ELOVL4: variants seen among roughly 807,000 people sequenced by gnomAD.
ELOVL4 encodes the protein ELOVL fatty acid elongase 4.
Under a neutral mutation model 42.1 loss-of-function variants are expected in ELOVL4, and 18 were observed. That is an observed-to-expected ratio of 0.43 (90% CI 0.30 to 0.63). The LOEUF (loss-of-function observed/expected upper bound fraction) is 0.63. ELOVL4 is among the 30% of genes least tolerant of loss of function. The pLI is 0.15. For synonymous variants in ELOVL4, 117 were observed against 127.0 expected, an observed-to-expected ratio of 0.92 and a Z score of 0.53; for missense variants, 299 against 376.2, an observed-to-expected ratio of 0.79 and a Z score of 1.70.
rs550725201 is a variant in ELOVL4 at position 79,946,972 on chromosome 6, C to A, written c.100+208G>T. Among the ~76,000 whole-genome samples the A allele has an allele frequency of 2.6e-5, 4 of 152,304 alleles. No homozygotes were observed. The South Asian group carries it at 8.3e-4, about 32-fold the overall frequency. ...GGAGGGAGCTCAGAAGAAAACCCTG[C>A]GAGTGTCGGGGGAGGGGAGGCCTTA... On this transcript the variant is annotated intron_variant, in intron 1 of 5. Coordinates refer to ENST00000369816, the MANE Select transcript of ELOVL4 (RefSeq NM_022726.4).
chr6:79,943,326 A>C (rs1276619131), intron 1 of ELOVL4, among the ~76,000 whole-genome samples: 1 of 152,074 alleles, frequency 6.6e-6, no homozygotes, highest in Non-Finnish European at 1.5e-5. Flanking sequence ...TGGATGACTC[A>C]CTGGCCTGAC....
chr6:79,928,168 ACT>A (rs1774375854), intron 1 of ELOVL4, among the ~76,000 whole-genome samples: 2 of 152,118 alleles, frequency 1.3e-5, no homozygotes, highest in East Asian at 1.9e-4. Context: ...ATTTAGACAA[ACT>A]CTCTGTTCTA....
In ELOVL4 at chr6:79,947,490, C is replaced by T; in HGVS notation, c.-211G>A. 3.4e-6 allele frequency: 2 copies of T among 592,176 alleles called. No homozygotes were observed. Among genetic ancestry groups the T allele is most frequent in the East Asian group, 2.9e-5 (1 of 33,994 alleles). 36.7% of individuals were successfully genotyped at this position (592,176 alleles called of 1,614,324 possible). On this transcript the variant is annotated 5_prime_UTR_variant, in exon 1 of 6. Coordinates refer to ENST00000369816, the MANE Select transcript of ELOVL4 (RefSeq NM_022726.4). ...CAAGCGGAAGGCGTCGTCAAGGTTC[C>T]CGGGAGAAAGACGAGGAGGTGGAGG...
chr6:79,946,707 C>T (rs1361947466), intron 1 of ELOVL4, among the ~76,000 whole-genome samples: 1 of 152,224 alleles, frequency 6.6e-6, no homozygotes, highest in Non-Finnish European at 1.5e-5. Flanking sequence ...TCTGTCAAAG[C>T]GACCAGGAGG....
intron 1 of ELOVL4, among the ~76,000 whole-genome samples, chr6:79,927,454 TC>T (rs1196513020): frequency 6.6e-6 from 1 of 152,110 alleles, no homozygotes; most frequent in African/African-American, 2.4e-5. Flanking sequence ...TCATAATAAC[TC>T]CCTATTTAAA....
chr6:79,928,115 A>G (rs1398567552), intron 1 of ELOVL4, among the ~76,000 whole-genome samples: 8 of 151,452 alleles, frequency 5.3e-5, no homozygotes, highest in Admixed American at 4.6e-4. Flanking sequence ...TATATTATAG[A>G]AAAAAAAAGA....
At chr6:79,926,029 A>AT (rs1774337108) in intron 2 of ELOVL4, among the ~76,000 whole-genome samples, 165 bp downstream of exon 2, 2 of 152,196 alleles carry the variant, frequency 1.3e-5, no homozygotes, top group Admixed American at 6.5e-5. Flanking sequence ...CCTATACCTC[A>AT]TGTTTAATAT....
chr6:79,923,754 A>T (rs1419520516), intron 3 of ELOVL4, among the ~76,000 whole-genome samples: 1 of 152,208 alleles, frequency 6.6e-6, no homozygotes, highest in Non-Finnish European at 1.5e-5. Context: ...CATATAGTAG[A>T]TGCTCAATAC....
chr6:79,947,292 C>T lies in ELOVL4; in HGVS notation c.-13G>A. ...CCAGGAGCCCCATCGCGGCGATGAG[C>T]GGGCGCTGGCGGCAGGAGAAAGCGG... is the stretch of plus-strand genomic sequence containing the variant. On this transcript the variant is annotated 5_prime_UTR_variant, in exon 1 of 6. Transcript: ENST00000369816. The T allele has an allele frequency of 1.2e-6, 2 of 1,601,396 alleles. No homozygotes were observed. The highest frequency in any genetic ancestry group is 1.1e-5 in the South Asian group (1 of 90,396).
chr6:79,933,196 G>C (rs1181034684), intron 1 of ELOVL4, among the ~76,000 whole-genome samples: 1 of 151,952 alleles, frequency 6.6e-6, no homozygotes. Flanking sequence ...TTATCATGTA[G>C]ATAATGAAGA....
intron 3 of ELOVL4, among the ~76,000 whole-genome samples, chr6:79,924,078 T>C (rs551006396): frequency 1.3e-5 from 2 of 152,342 alleles, no homozygotes; most frequent in East Asian, 3.9e-4. Flanking sequence ...AAATACGTAA[T>C]AGAATAAGGT....
intron 1 of ELOVL4, among the ~76,000 whole-genome samples, chr6:79,928,733 T>G (rs956149489): frequency 1.5e-5 from 2 of 136,402 alleles, no homozygotes; most frequent in Non-Finnish European, 1.5e-5. Context: ...CTGGGTTTTT[T>G]TTTTTTTTTT....
chr6:79,917,785 C>T (rs1774186627), intron 5 of ELOVL4, among the ~76,000 whole-genome samples: 1 of 152,118 alleles, frequency 6.6e-6, no homozygotes, highest in Admixed American at 6.5e-5. Flanking sequence ...TGCACCATTG[C>T]ACTCCAACTT....
intron 1 of ELOVL4, among the ~76,000 whole-genome samples, chr6:79,941,803 G>A (rs1305913210): frequency 6.6e-6 from 1 of 152,094 alleles, no homozygotes; most frequent in African/African-American, 2.4e-5. Context: ...AGATTAAGAG[G>A]GTCATCTCCT....
intron 1 of ELOVL4, among the ~76,000 whole-genome samples, chr6:79,932,539 G>C (rs999509755): frequency 1.4e-5 from 2 of 146,926 alleles, no homozygotes; most frequent in African/African-American, 5.2e-5. Flanking sequence ...GAGAGAGAGA[G>C]AGACTCCTTC....
chr6:79,937,737 G>C (rs1427251695), intron 1 of ELOVL4, among the ~76,000 whole-genome samples: 1 of 152,162 alleles, frequency 6.6e-6, no homozygotes, highest in Non-Finnish European at 1.5e-5. Context: ...GAAAGATCTT[G>C]ATCCTATTCC....
intron 3 of ELOVL4, among the ~76,000 whole-genome samples, chr6:79,924,067 T>C (rs1415544103): frequency 6.6e-6 from 1 of 152,212 alleles, no homozygotes; most frequent in African/African-American, 2.4e-5. Flanking sequence ...AAGAGTTCAA[T>C]AAATACGTAA....
intron 1 of ELOVL4, among the ~76,000 whole-genome samples, chr6:79,933,060 CA>C (rs1774477462): frequency 2.6e-5 from 4 of 151,876 alleles, no homozygotes; most frequent in Admixed American, 2.6e-4. Flanking sequence ...AGCCCAGAAG[CA>C]AGAAATAAAA....
chr6:79,924,899 C>T (rs1774318632), intron 3 of ELOVL4, 53 bp downstream of exon 3: 2 of 1,046,948 alleles, frequency 1.9e-6, no homozygotes, highest in South Asian at 2.5e-5. Context: ...CAGACTGGGG[C>T]CTATAAAAAT....
Sources: allele counts gnomAD v4.1 joint callset (sites outside exome capture counted in the v4.1 genomes callset), GRCh38; gene constraint gnomAD v4.1.1; transcripts MANE v1.5; gene names NCBI Gene and HGNC (gene_info 2026-07-23, HGNC 2026-07-21).